Variants in E2F6 observed in about 807,000 individuals in gnomAD.
E2F6 encodes transcription factor E2F6.
Under a neutral mutation model 31.5 loss-of-function variants are expected in E2F6, and 19 were observed. The ratio of observed to expected loss-of-function variants is 0.60; its 90% CI spans 0.42 to 0.89. The LOEUF is 0.89. E2F6 is among the 40% of genes least tolerant of loss of function. The pLI is 0.00. For missense variants in E2F6, 269 were observed against 341.6 expected, an observed-to-expected ratio of 0.79 and a Z score of 1.67; for synonymous variants, 121 against 127.7, an observed-to-expected ratio of 0.95 and a Z score of 0.36.
chr2:11,455,248 A>T, intron 2 of E2F6: 5 of 943,882 alleles, frequency 5.3e-6, no homozygotes, highest in Non-Finnish European at 6.5e-6. Context: ...TTCTAAAATA[A>T]CTTTGTCACT....
intron 2 of E2F6, chr2:11,455,251 T>C (rs2148348257): frequency 2.1e-6 from 2 of 951,442 alleles, no homozygotes; most frequent in South Asian, 3.9e-5. Context: ...TAAAATAACT[T>C]TGTCACTCTG....
chr2:11,454,625 A>G (rs1040692096), intron 2 of E2F6, among the ~76,000 whole-genome samples: 4 of 152,104 alleles, frequency 2.6e-5, no homozygotes, highest in Non-Finnish European at 4.4e-5. Context: ...CTGGGATTAC[A>G]GGCATTAAGA....
intron 1 of E2F6, 100 bp downstream of exon 1, chr2:11,465,672 G>A (rs1327573533): frequency 8.7e-6 from 11 of 1,268,112 alleles, no homozygotes; most frequent in Non-Finnish European, 1.2e-5. Flanking sequence ...AGGGGGAGCA[G>A]ACGACCCAGA....
chr2:11,466,002 G>C lies in E2F6; in HGVS notation c.-123C>G, dbSNP rs868482015. The C allele has an allele frequency of 1.2e-5, 11 of 896,266 alleles. No homozygotes were observed. The South Asian group carries it at 1.3e-4, about 11-fold the overall frequency. 55.5% of individuals were successfully genotyped at this position (896,266 alleles called of 1,614,324 possible). Reference sequence around the variant, plus strand: ...GGGCCCAGCACCTAAGGGGTCCGCGGCTTCCTCCGAGGCGCCGCCCGGCTA... The same window carrying C: ...GGGCCCAGCACCTAAGGGGTCCGCGCCTTCCTCCGAGGCGCCGCCCGGCTA... On this transcript the variant is annotated 5_prime_UTR_variant, in exon 1 of 7. Transcript: ENST00000381525.
rs1201901744 is a variant in E2F6 at position 11,447,887 on chromosome 2, C to G, written c.652-113G>C. The G allele has an allele frequency of 3.4e-6, 4 of 1,182,026 alleles. No individual in the cohort carries two copies. In the African/African-American group the frequency reaches 6.2e-5, roughly 18 times the overall value. 73.2% of individuals were successfully genotyped at this position (1,182,026 alleles called of 1,614,324 possible). A position where few individuals can be genotyped will look rare whatever the true frequency, so the allele number is the denominator to read the frequency against. Reference sequence around the variant, plus strand: ...TTGAGAAAATCACCTTAGCTGTAGTCACATTACAGCACTGGCCAATTCCCA... The same window carrying G: ...TTGAGAAAATCACCTTAGCTGTAGTGACATTACAGCACTGGCCAATTCCCA... On this transcript the variant is annotated intron_variant, in intron 5 of 6. Transcript: ENST00000381525.
chr2:11,451,937 T>A, intron 3 of E2F6, 131 bp from the exon 4 acceptor site: 1 of 824,970 alleles, frequency 1.2e-6, no homozygotes, highest in Non-Finnish European at 1.9e-6. Flanking sequence ...TAGGGACTTT[T>A]AACTTCTGCC....
intron 2 of E2F6, chr2:11,455,357 T>A: frequency 8.3e-7 from 1 of 1,209,950 alleles, no homozygotes; most frequent in Non-Finnish European, 1.1e-6. Flanking sequence ...GTCAGAAATG[T>A]CCTTACTCAG....
intron 6 of E2F6, 83 bp downstream of exon 6, chr2:11,447,543 TA>T: frequency 6.9e-7 from 1 of 1,451,988 alleles, no homozygotes; most frequent in Non-Finnish European, 9.4e-7. Context: ...CTAGGAAGAG[TA>T]AAAATATCTT....
chr2:11,459,789 C>T (rs1275001392), intron 1 of E2F6, among the ~76,000 whole-genome samples: 1 of 151,930 alleles, frequency 6.6e-6, no homozygotes. Context: ...GAGGCTGAGG[C>T]AGGAGAATCG....
chr2:11,449,975 C>T (rs777542849), intron 5 of E2F6, 37 bp downstream of exon 5: 7 of 1,529,786 alleles, frequency 4.6e-6, no homozygotes, highest in Non-Finnish European at 6.3e-6. Flanking sequence ...GGCCCTCATC[C>T]CTCTTTAAAT....
At position 11,444,863 on chromosome 2, in the gene E2F6, T is replaced by C. The variant is rs904276098; in HGVS notation, c.*1614A>G. The C allele has an allele frequency of 1.3e-5, 2 of 152,258 alleles. No individual in the cohort carries two copies. Among genetic ancestry groups the C allele is most frequent in the Non-Finnish European group, 2.9e-5 (2 of 68,058 alleles). The allele number at this position is 152,258 out of a possible 1,614,324, so 9.4% of individuals were successfully genotyped here. A position where few individuals can be genotyped will look rare whatever the true frequency, so the allele number is the denominator to read the frequency against. On this transcript the variant is annotated 3_prime_UTR_variant, in exon 7 of 7. Coordinates refer to ENST00000381525, the MANE Select transcript of E2F6 (RefSeq NM_198256.4). ...GCTCCTCCTCCTGTATTCCCTATTC[T>C]GTCAAACAGTACGACCCACCAGTCC...
chr2:11,453,588 C>T lies in E2F6; in HGVS notation c.374G>A (p.Arg125Lys), dbSNP rs772799350. The T allele has an allele frequency of 6.2e-7, 1 of 1,613,992 alleles. No individual in the cohort carries two copies. The change falls in exon 3 of 7, where the codon AGA (arginine) becomes AAA (lysine). Residue 125 changes from arginine (R) to lysine (K), a missense_variant. Transcript: ENST00000381525. ...AAGTTTGAAAGCAACTCACATCCAT[C>T]TAATATGGTTCTTGGATTTCTTTTC... ...LVEKKSKNHI[R>K]WIGSDLSNFG...
chr2:11,465,083 C>G (rs1014349797), intron 1 of E2F6, among the ~76,000 whole-genome samples: 1 of 142,788 alleles, frequency 7.0e-6, no homozygotes, highest in Non-Finnish European at 1.5e-5. Context: ...GAGGCTGAAG[C>G]AGGAGAATCT....
chr2:11,447,572 T>G, intron 6 of E2F6, 55 bp downstream of exon 6: 1 of 1,582,238 alleles, frequency 6.3e-7, no homozygotes, highest in Non-Finnish European at 8.6e-7. Context: ...TAATACACAT[T>G]AATAAAATTA....
rs551398009 is a variant in E2F6, at chr2:11,444,386, G to A, written c.*2091C>T. 5.5e-4 allele frequency: 84 copies of A among 152,242 alleles called. No individual in the cohort carries two copies. Among genetic ancestry groups the A allele is most frequent in the African/African-American group, 1.9e-3 (78 of 41,524 alleles). The allele number at this position is 152,242 out of a possible 1,614,324, so 9.4% of individuals were successfully genotyped here. On this transcript the variant is annotated 3_prime_UTR_variant, in exon 7 of 7. Coordinates refer to ENST00000381525, the MANE Select transcript of E2F6 (RefSeq NM_198256.4). ...CCAACGCCAGAAGATGGAGTGACTC[G>A]AGAGATACTTCATTTATAACACACA...
At chr2:11,463,958 G>GGGGGC (rs56958029) in intron 1 of E2F6, among the ~76,000 whole-genome samples, 9 of 106,432 alleles carry the variant, frequency 8.5e-5, no homozygotes, top group South Asian at 3.4e-4. Flanking sequence ...CGGGGGGGGG[G>GGGGGC]ACAAAAACAA....
At chr2:11,464,917 G>A (rs777372763) in intron 1 of E2F6, among the ~76,000 whole-genome samples, 5 of 152,102 alleles carry the variant, frequency 3.3e-5, no homozygotes, top group African/African-American at 1.2e-4. Context: ...AAGCAGCAGA[G>A]AAATTGAAAA....
At chr2:11,448,519 C>T (rs1042552517) in intron 5 of E2F6, among the ~76,000 whole-genome samples, 1 of 152,168 alleles carries the variant, frequency 6.6e-6, no homozygotes, top group Non-Finnish European at 1.5e-5. Flanking sequence ...GATCTTATAC[C>T]AGGGTGAGTC....
chr2:11,463,957 G>GGGGGGAC (rs1190052497), intron 1 of E2F6, among the ~76,000 whole-genome samples: 4 of 120,558 alleles, frequency 3.3e-5, no homozygotes, highest in Admixed American at 8.9e-5. Context: ...CCGGGGGGGG[G>GGGGGGAC]GACAAAAACA....
Sources: allele counts gnomAD v4.1 joint callset (sites outside exome capture counted in the v4.1 genomes callset), GRCh38; gene constraint gnomAD v4.1.1; transcripts MANE v1.5; gene names NCBI Gene and HGNC (gene_info 2026-07-23, HGNC 2026-07-21).